The following MTCL2 variants were observed in gnomAD, a reference collection of about 807,000 sequenced individuals.
The protein encoded by MTCL2 is microtubule crosslinking factor 2.
chr20:36,787,138 C>T, the MTCL2 span, among the ~76,000 whole-genome samples: 1 of 152,068 alleles, frequency 6.6e-6, no homozygotes, highest in South Asian at 2.1e-4. Context: ...AAGGCATGAG[C>T]CACCATGCCT....
chr20:36,783,617 G>A, the MTCL2 span: 4 of 219,446 alleles, frequency 1.8e-5, no homozygotes, highest in Non-Finnish European at 3.1e-5. Context: ...AAAAGGCAGA[G>A]AGGCAGGAGG....
At chr20:36,833,451 TG>T in the MTCL2 span, among the ~76,000 whole-genome samples, 1 of 152,206 alleles carries the variant, frequency 6.6e-6, no homozygotes, top group Non-Finnish European at 1.5e-5. Flanking sequence ...TCCTGCCAAG[TG>T]CAACTAGCAG....
At chr20:36,826,750 G>A in the MTCL2 span, among the ~76,000 whole-genome samples, 1 of 152,090 alleles carries the variant, frequency 6.6e-6, no homozygotes, top group African/African-American at 2.4e-5. Context: ...TTCCTCTGTT[G>A]ATGAACATTT....
At chr20:36,827,427 G>A in the MTCL2 span, among the ~76,000 whole-genome samples, 16 of 146,162 alleles carry the variant, frequency 1.1e-4, no homozygotes, top group East Asian at 2.6e-3. Flanking sequence ...GCAGTGGTGC[G>A]ATCTCACCTC....
the MTCL2 span, among the ~76,000 whole-genome samples, chr20:36,789,026 A>T: frequency 3.3e-5 from 5 of 152,036 alleles, 1 homozygote; most frequent in South Asian, 4.1e-4. Context: ...GGCTGGTCTC[A>T]AACTCCCGAC....
the MTCL2 span, among the ~76,000 whole-genome samples, chr20:36,816,608 C>T: frequency 2.0e-5 from 3 of 152,172 alleles, no homozygotes; most frequent in Non-Finnish European, 4.4e-5. Flanking sequence ...CCCAGAGCCA[C>T]AGACGGGATT....
chr20:36,860,873 C>T, the MTCL2 span, among the ~76,000 whole-genome samples: 2 of 152,204 alleles, frequency 1.3e-5, no homozygotes, highest in Admixed American at 6.5e-5. Flanking sequence ...TTGGCCCAAA[C>T]GTGGGATGTC....
At chr20:36,785,936 T>C in the MTCL2 span, 5 of 988,030 alleles carry the variant, frequency 5.1e-6, no homozygotes, top group Non-Finnish European at 6.0e-6. Flanking sequence ...GCAGTGGGGC[T>C]GGGAGGAGGA....
the MTCL2 span, among the ~76,000 whole-genome samples, chr20:36,789,988 A>ATTTTTTTT: frequency 9.9e-5 from 11 of 110,710 alleles, no homozygotes; most frequent in South Asian, 2.8e-4. Context: ...TAATTTTTGT[A>ATTTTTTTT]TTTTTTTTTT....
the MTCL2 span, chr20:36,804,669 C>A: frequency 1.3e-6 from 2 of 1,583,398 alleles, no homozygotes; most frequent in Non-Finnish European, 8.6e-7. Flanking sequence ...ATTCTACTCC[C>A]AGATCTGACA....
chr20:36,817,425 A>C, the MTCL2 span: 2 of 1,593,600 alleles, frequency 1.3e-6, no homozygotes, highest in Non-Finnish European at 1.7e-6. Context: ...AAGTCTTCTT[A>C]TCGGCCTTCC....
At chr20:36,842,889 C>T in the MTCL2 span, among the ~76,000 whole-genome samples, 4 of 152,084 alleles carry the variant, frequency 2.6e-5, no homozygotes, top group Non-Finnish European at 5.9e-5. Flanking sequence ...GTGGGGGGTC[C>T]AAGGGGCAAG....
the MTCL2 span, among the ~76,000 whole-genome samples, chr20:36,798,863 T>A: frequency 2.0e-5 from 3 of 152,082 alleles, no homozygotes; most frequent in Non-Finnish European, 2.9e-5. Flanking sequence ...AAGTCCCATG[T>A]CCCAGAACCC....
chr20:36,797,329 T>A, the MTCL2 span, among the ~76,000 whole-genome samples: 93 of 152,144 alleles, frequency 6.1e-4, 1 homozygote, highest in African/African-American at 2.2e-3. Flanking sequence ...GTTTTTTTTT[T>A]ATTTTTTTGA....
At chr20:36,784,208 C>A in the MTCL2 span, 1 of 986,338 alleles carries the variant, frequency 1.0e-6, no homozygotes, top group Non-Finnish European at 1.2e-6. Context: ...TGGAGATAAC[C>A]TTGGAGGGCC....
the MTCL2 span, chr20:36,794,154 G>A: frequency 1.5e-4 from 231 of 1,551,120 alleles, 2 homozygotes; most frequent in South Asian, 2.4e-3. The surrounding 1 kb of genome is among the most constrained non-coding windows in gnomAD (Gnocchi z 5.4). Flanking sequence ...AGGCGCTGCC[G>A]TGAGAAGTTG....
the MTCL2 span, chr20:36,797,648 T>C: frequency 1.5e-6 from 2 of 1,342,194 alleles, no homozygotes; most frequent in Non-Finnish European, 1.0e-6. Context: ...GCAAGGCCAT[T>C]CCCCAGACTC....
chr20:36,856,860 G>A, the MTCL2 span, among the ~76,000 whole-genome samples: 9 of 152,030 alleles, frequency 5.9e-5, no homozygotes, highest in South Asian at 6.2e-4. Flanking sequence ...GTGTGTGTGC[G>A]TGCGCGCACG....
At chr20:36,810,054 C>T in the MTCL2 span, 1 of 1,599,656 alleles carries the variant, frequency 6.3e-7, no homozygotes, top group Non-Finnish European at 8.5e-7. Flanking sequence ...GCTGCTCTTG[C>T]AAGCCCCGGA....
Sources: allele counts gnomAD v4.1 joint callset (sites outside exome capture counted in the v4.1 genomes callset), GRCh38; gene constraint gnomAD v4.1.1; non-coding constraint Gnocchi (gnomAD v3.1); transcripts MANE v1.5; gene names NCBI Gene and HGNC (gene_info 2026-07-23, HGNC 2026-07-21).